The following CHODL variants were observed in gnomAD, a reference collection of about 807,000 sequenced individuals.
CHODL encodes the protein chondrolectin, also known as transmembrane protein MT75.
In CHODL, 29 loss-of-function variants were observed where a neutral mutation model predicts 34.5. That is an observed-to-expected ratio of 0.84 (90% CI 0.63 to 1.15). The LOEUF (loss-of-function observed/expected upper bound fraction) is 1.15. Ranked by LOEUF, CHODL falls within the 50% of genes most tolerant of loss-of-function variation. CHODL has a pLI of 0.00. For synonymous variants in CHODL, 125 were observed against 116.1 expected, an observed-to-expected ratio of 1.08 and a Z score of -0.49; for missense variants, 332 against 332.5, an observed-to-expected ratio of 1.00 and a Z score of 0.01.
intron 5 of CHODL, among the ~76,000 whole-genome samples, chr21:18,265,625 A>AACTT (rs887690506): frequency 6.6e-6 from 1 of 152,106 alleles, no homozygotes; most frequent in African/African-American, 2.4e-5. Flanking sequence ...ACCACTAAAG[A>AACTT]ACTTACTCAT....
intron 1 of CHODL, among the ~76,000 whole-genome samples, chr21:17,967,564 G>T (rs995416948): frequency 1.3e-5 from 2 of 152,112 alleles, no homozygotes; most frequent in African/African-American, 4.8e-5. Flanking sequence ...GAGTCCAGTA[G>T]GTTCTACTGT....
At chr21:18,035,494 G>C (rs8131569) in intron 2 of CHODL, among the ~76,000 whole-genome samples, 2,472 of 151,992 alleles carry the variant, frequency 0.016, 69 homozygotes, top group African/African-American at 0.055. Context: ...AATTTGCAGT[G>C]TTCCTCGAAT....
intron 2 of CHODL, among the ~76,000 whole-genome samples, chr21:18,033,431 C>T (rs116942204): frequency 0.013 from 2,008 of 152,096 alleles, 28 homozygotes; most frequent in Non-Finnish European, 0.019. Context: ...TTATTATTCT[C>T]TTCAGGTGGT....
chr21:18,177,348 G>A (rs941913517), intron 2 of CHODL, among the ~76,000 whole-genome samples: 15 of 152,034 alleles, frequency 9.9e-5, no homozygotes. Flanking sequence ...CTGAATAACT[G>A]AGATTTAAAT....
chr21:17,946,155 C>T (rs754654888), intron 1 of CHODL, among the ~76,000 whole-genome samples: 4 of 152,172 alleles, frequency 2.6e-5, no homozygotes, highest in South Asian at 2.1e-4. Flanking sequence ...CGGTGGCTCA[C>T]GCTTGTAATC....
chr21:17,959,210 G>C (rs1190904843), intron 1 of CHODL, among the ~76,000 whole-genome samples: 1 of 151,974 alleles, frequency 6.6e-6, no homozygotes, highest in African/African-American at 2.4e-5. Context: ...TAAACCTATT[G>C]AATCTTTCTG....
At chr21:18,155,983 A>G (rs2073029658) in intron 2 of CHODL, among the ~76,000 whole-genome samples, 1 of 152,202 alleles carries the variant, frequency 6.6e-6, no homozygotes, top group African/African-American at 2.4e-5. Flanking sequence ...ACTTATACTC[A>G]AGTCAGAAGC....
intron 2 of CHODL, among the ~76,000 whole-genome samples, chr21:18,158,960 A>G (rs1184555710): frequency 2.0e-5 from 3 of 152,184 alleles, no homozygotes; most frequent in Non-Finnish European, 4.4e-5. Context: ...TCACAAGTAG[A>G]TTCGGTTTTT....
chr21:18,073,317 T>C (rs1005268394), intron 2 of CHODL, among the ~76,000 whole-genome samples: 1 of 152,076 alleles, frequency 6.6e-6, no homozygotes, highest in Admixed American at 6.6e-5. Flanking sequence ...ATAAGGTGAA[T>C]AAAAAATTCA....
At position 18,080,287 on chromosome 21, in the gene CHODL, CTGTT is replaced by C. The variant is rs776172087; in HGVS notation, c.-45+52321_-45+52324del. 5.3e-5 allele frequency among the ~76,000 whole-genome samples: 8 copies of C among 151,980 alleles called. No individual in the cohort carries two copies. In the East Asian group the frequency reaches 7.7e-4, roughly 15 times the overall value. ...TATCTTCTTCCATTCTGTAGCTTTT[CTGTT>C]TGTTCTGTTGATTGTTTTGCTTGTC... On this transcript the variant is annotated intron_variant, in intron 2 of 6. Transcript: ENST00000400127.
chr21:18,188,959 A>G (rs969190408), intron 2 of CHODL, among the ~76,000 whole-genome samples: 2 of 152,222 alleles, frequency 1.3e-5, no homozygotes, highest in Admixed American at 6.5e-5. Context: ...GATTGGACAG[A>G]CATTGCTGGG....
chr21:18,247,571 C>A (rs1356953312), intron 1 of CHODL, among the ~76,000 whole-genome samples: 3 of 152,002 alleles, frequency 2.0e-5, no homozygotes, highest in Non-Finnish European at 2.9e-5. Flanking sequence ...ACATTTCAAA[C>A]AACTTCGTCA....
chr21:18,091,035 T>A (rs540960077), intron 2 of CHODL, among the ~76,000 whole-genome samples: 1 of 152,328 alleles, frequency 6.6e-6, no homozygotes, highest in South Asian at 2.1e-4. Flanking sequence ...CTCTGCTCAC[T>A]TTGGGGAGGG....
chr21:18,256,784 T>G lies in CHODL; in HGVS notation c.355T>G (p.Tyr119Asp). 6.2e-7 allele frequency: 1 copy of G among 1,614,048 alleles called. No homozygotes were observed. The highest frequency in any genetic ancestry group is 8.5e-7 in the Non-Finnish European group (1 of 1,179,938). Reference protein sequence around the residue: ...GQTSGACPDLYQWSDGSNSQY... With the variant: ...GQTSGACPDLDQWSDGSNSQY... ...AACATCTGGTGCCTGCCCAGATCTC[T>G]ACCAGTGGTCTGATGGAAGCAATTC... Residue 119 changes from tyrosine (Y) to aspartate (D), a missense_variant, in exon 2 of 6, where the codon TAC becomes GAC. Coordinates refer to ENST00000299295, the MANE Select transcript of CHODL (RefSeq NM_024944.3).
intron 1 of CHODL, among the ~76,000 whole-genome samples, chr21:17,995,782 G>T (rs905743002): frequency 6.6e-6 from 1 of 152,178 alleles, no homozygotes; most frequent in Non-Finnish European, 1.5e-5. Context: ...TCAGAACTGG[G>T]TTTAATGCCT....
intron 2 of CHODL, among the ~76,000 whole-genome samples, chr21:18,159,125 A>AT (rs1288186999): frequency 7.9e-5 from 12 of 152,170 alleles, no homozygotes; most frequent in Non-Finnish European, 1.6e-4. Flanking sequence ...ATCTGGAGAC[A>AT]TTTTTGTCAC....
intron 2 of CHODL, among the ~76,000 whole-genome samples, chr21:18,071,726 T>C (rs1195140689): frequency 1.3e-5 from 2 of 149,010 alleles, no homozygotes; most frequent in African/African-American, 5.2e-5. Context: ...TTTCTATTTC[T>C]ATTACATTTC....
At chr21:18,135,673 G>C (rs758193997) in intron 2 of CHODL, among the ~76,000 whole-genome samples, 20 of 152,124 alleles carry the variant, frequency 1.3e-4, no homozygotes, top group Non-Finnish European at 2.6e-4. Flanking sequence ...CTGTTAGAGT[G>C]GGGTATCTCT....
At chr21:18,100,228 G>A (rs1417310603) in intron 2 of CHODL, among the ~76,000 whole-genome samples, 1 of 152,104 alleles carries the variant, frequency 6.6e-6, no homozygotes, top group Non-Finnish European at 1.5e-5. Flanking sequence ...CTGACAAACT[G>A]TGGAAAGATA....
Sources: allele counts gnomAD v4.1 joint callset (sites outside exome capture counted in the v4.1 genomes callset), GRCh38; gene constraint gnomAD v4.1.1; transcripts MANE v1.5; gene names NCBI Gene and HGNC (gene_info 2026-07-23, HGNC 2026-07-21).